Variants in PBX1 observed in about 807,000 individuals in gnomAD.
The protein encoded by PBX1 is PBX homeobox 1.
PBX1 carries 6 observed loss-of-function variants against 53.4 expected under a neutral mutation model. The ratio of observed to expected loss-of-function variants is 0.11; its 90% confidence interval spans 0.06 to 0.22. The LOEUF (loss-of-function observed/expected upper bound fraction) is 0.22, where lower values mean the gene tolerates loss of function less well. Among genes scored for constraint, PBX1 ranks in the 10% least tolerant of loss-of-function variants. The pLI is 1.00. For missense variants in PBX1, 251 were observed against 551.4 expected, an observed-to-expected ratio of 0.46 and a Z score of 5.46; for synonymous variants, 204 against 212.3, an observed-to-expected ratio of 0.96 and a Z score of 0.34.
At chr1:164,759,925 C>T (rs1455100814) in intron 2 of PBX1, among the ~76,000 whole-genome samples, 1 of 152,128 alleles carries the variant, frequency 6.6e-6, no homozygotes, top group African/African-American at 2.4e-5. Flanking sequence ...GACTGCTTGA[C>T]CTCCACATGG....
intron 2 of PBX1, among the ~76,000 whole-genome samples, chr1:164,871,051 C>G (rs537011903): frequency 6.6e-6 from 1 of 152,062 alleles, no homozygotes; most frequent in Non-Finnish European, 1.5e-5. Context: ...TATGGCATAC[C>G]CTGCCTTATT....
intron 2 of PBX1, among the ~76,000 whole-genome samples, chr1:164,712,343 C>T (rs753117996): frequency 2.6e-5 from 4 of 152,092 alleles, no homozygotes; most frequent in Non-Finnish European, 5.9e-5. Context: ...TTATTCTGTT[C>T]GGGAAAACGA....
intron 2 of PBX1, among the ~76,000 whole-genome samples, chr1:164,778,560 G>T (rs1411008776): frequency 1.3e-5 from 2 of 151,744 alleles, no homozygotes; most frequent in Admixed American, 1.3e-4. Context: ...TTGCTTGGAC[G>T]TGGGAGGTCG....
At chr1:164,721,113 C>T (rs142882320) in intron 2 of PBX1, among the ~76,000 whole-genome samples, 5 of 152,172 alleles carry the variant, frequency 3.3e-5, no homozygotes, top group African/African-American at 1.2e-4. Context: ...TCTAATCCTG[C>T]GAGTCTGTAA....
At chr1:164,811,683 T>C (rs375592543) in intron 5 of PBX1, among the ~76,000 whole-genome samples, 1 of 152,238 alleles carries the variant, frequency 6.6e-6, no homozygotes, top group African/African-American at 2.4e-5. Flanking sequence ...ACTGAAGATG[T>C]AAGCAAATTT....
intron 2 of PBX1, among the ~76,000 whole-genome samples, chr1:164,695,631 G>GAAAA (rs1295171973): frequency 6.6e-6 from 1 of 152,144 alleles, no homozygotes; most frequent in Admixed American, 6.5e-5. Context: ...GGTGTTTTTA[G>GAAAA]CATGTTCGTT....
chr1:164,779,751 CA>C lies in PBX1; in HGVS notation c.266-12741del, dbSNP rs552482763. ...ATGGCTTGCTAGGGGCTGTCCCATA[CA>C]ACCAGAGTGGGGTTCAATGAAGTGC... On this transcript the variant is annotated intron_variant, in intron 2 of 8. Coordinates refer to ENST00000420696, the MANE Select transcript of PBX1 (RefSeq NM_002585.4). Among the ~76,000 whole-genome samples, 310 of 152,258 alleles carry C rather than the reference CA, an allele frequency of 2.0e-3. 1 individual carries two copies. Among genetic ancestry groups the C allele is most frequent in the African/African-American group, 7.3e-3 (305 of 41,540 alleles).
intron 2 of PBX1, among the ~76,000 whole-genome samples, chr1:164,570,599 G>A (rs188171326): frequency 2.6e-4 from 39 of 152,256 alleles, no homozygotes; most frequent in Middle Eastern, 6.8e-3. Context: ...TCTTTATGCA[G>A]TCTATCATTG....
At position 164,731,845 on chromosome 1, in the gene PBX1, G is replaced by A. The variant is rs935188713; in HGVS notation, c.266-60649G>A. On this transcript the variant is annotated intron_variant, in intron 2 of 8. Transcript: ENST00000420696. ...AGCATGAGCTCGGCGGCCTGTGTGAGCTCTGCAGGTCTCTATGTATCGCCT... is the reference window on the plus strand; with the variant it reads ...AGCATGAGCTCGGCGGCCTGTGTGAACTCTGCAGGTCTCTATGTATCGCCT... Among the ~76,000 whole-genome samples, 5 of 152,342 alleles carry A rather than the reference G, an allele frequency of 3.3e-5. No individual in the cohort carries two copies. In the South Asian group the frequency reaches 1.0e-3, roughly 32 times the overall value.
At chr1:164,577,477 C>G (rs1331288758) in intron 2 of PBX1, among the ~76,000 whole-genome samples, 5 of 152,192 alleles carry the variant, frequency 3.3e-5, no homozygotes, top group African/African-American at 1.2e-4. Context: ...GCCTCCCTTC[C>G]CCCACCTAGC....
intron 2 of PBX1, among the ~76,000 whole-genome samples, chr1:164,619,223 T>G (rs1657510068): frequency 6.6e-6 from 1 of 152,068 alleles, no homozygotes; most frequent in Non-Finnish European, 1.5e-5. Context: ...CATATAGACT[T>G]TGTGGCTGAC....
chr1:164,721,827 C>T (rs1204552320), intron 2 of PBX1, among the ~76,000 whole-genome samples: 1 of 152,196 alleles, frequency 6.6e-6, no homozygotes, highest in African/African-American at 2.4e-5. Flanking sequence ...TTCCTGTGTT[C>T]ATGTTACCTA....
At chr1:164,863,346 C>T (rs2102444905) in intron 2 of PBX1, among the ~76,000 whole-genome samples, 1 of 152,308 alleles carries the variant, frequency 6.6e-6, no homozygotes, top group South Asian at 2.1e-4. Flanking sequence ...CTTAAAGTCC[C>T]TAGCTAGGGA....
intron 2 of PBX1, among the ~76,000 whole-genome samples, chr1:164,686,104 A>T (rs1390524882): frequency 6.6e-6 from 1 of 152,180 alleles, no homozygotes; most frequent in Non-Finnish European, 1.5e-5. Flanking sequence ...TTAAGGGGAG[A>T]GCTACCTACA....
At chr1:164,681,129 C>T (rs891989317) in intron 2 of PBX1, among the ~76,000 whole-genome samples, 1 of 152,022 alleles carries the variant, frequency 6.6e-6, no homozygotes, top group Admixed American at 6.6e-5. Flanking sequence ...CCTGTAGTCC[C>T]AGCTACCCAG....
chr1:164,809,612 A>T (rs1669511245), intron 5 of PBX1, among the ~76,000 whole-genome samples: 1 of 152,128 alleles, frequency 6.6e-6, no homozygotes, highest in Non-Finnish European at 1.5e-5. Flanking sequence ...GGATCACATG[A>T]TTTATTAAAT....
At chr1:164,788,100 C>T (rs1033723609) in intron 2 of PBX1, among the ~76,000 whole-genome samples, 4 of 151,980 alleles carry the variant, frequency 2.6e-5, no homozygotes, top group Admixed American at 2.6e-4. Flanking sequence ...AGGGAGAGAG[C>T]GCAGGGCACC....
intron 2 of PBX1, among the ~76,000 whole-genome samples, chr1:164,859,447 T>C (rs1198618848): frequency 1.3e-5 from 2 of 152,206 alleles, no homozygotes; most frequent in Non-Finnish European, 2.9e-5. Context: ...GTCAAATCAC[T>C]GCATCTTGAC....
At chr1:164,843,409 A>G (rs1045352777) in intron 8 of PBX1, among the ~76,000 whole-genome samples, 92 of 152,204 alleles carry the variant, frequency 6.0e-4, no homozygotes, top group Non-Finnish European at 1.5e-4. Context: ...CAAAAGTCTC[A>G]TTTTGCTCAG....
Sources: allele counts gnomAD v4.1 joint callset (sites outside exome capture counted in the v4.1 genomes callset), GRCh38; gene constraint gnomAD v4.1.1; transcripts MANE v1.5; gene names NCBI Gene and HGNC (gene_info 2026-07-23, HGNC 2026-07-21).